PARD3B: variants seen among roughly 807,000 people sequenced by gnomAD.
PARD3B encodes the protein par-3 family cell polarity regulator beta.
Under a neutral mutation model 130.2 loss-of-function variants are expected in PARD3B, and 103 were observed. The ratio of observed to expected loss-of-function variants is 0.79; its 90% confidence interval spans 0.67 to 0.93. PARD3B has a LOEUF of 0.93. Ranked by LOEUF, PARD3B falls within the 40% of genes least tolerant of loss-of-function variation. The pLI is 0.00. For missense variants in PARD3B, 1,609 were observed against 1,499.2 expected (o/e 1.07, Z -1.21); for synonymous variants, 583 against 553.2 (o/e 1.05, Z -0.76).
chr2:205,178,709 C>G (rs1404527659), intron 13 of PARD3B, among the ~76,000 whole-genome samples: 1 of 152,112 alleles, frequency 6.6e-6, no homozygotes, highest in Non-Finnish European at 1.5e-5. Context: ...CCTAGTTACA[C>G]CAGTGACATC....
At chr2:205,005,176 C>T (rs1289353640) in intron 3 of PARD3B, among the ~76,000 whole-genome samples, 1 of 152,012 alleles carries the variant, frequency 6.6e-6, no homozygotes, top group East Asian at 1.9e-4. Flanking sequence ...TATACACACA[C>T]ACACATATAC....
intron 6 of PARD3B, among the ~76,000 whole-genome samples, chr2:205,118,064 G>A (rs915032636): frequency 2.0e-5 from 3 of 152,208 alleles, no homozygotes; most frequent in African/African-American, 7.2e-5. Context: ...CTCTAATTTA[G>A]CCTCTTCTTG....
At chr2:204,790,476 T>A (rs2042162235) in intron 2 of PARD3B, among the ~76,000 whole-genome samples, 1 of 152,226 alleles carries the variant, frequency 6.6e-6, no homozygotes. Flanking sequence ...CAGTTGAAGT[T>A]CAGGGAAGAG....
chr2:205,116,400 T>C lies in PARD3B; in HGVS notation c.681-2521T>C, dbSNP rs1162226430. ...GTAGAGTCACTGAGGCTGTGTGACA[T>C]TGGGAAAAGAACAGGAAGGGGGCAA... is the stretch of plus-strand genomic sequence containing the variant. On this transcript the variant is annotated intron_variant, in intron 6 of 22. Transcript: ENST00000406610. This position sits in a 1 kb window ranked among gnomAD's most constrained non-coding sequence, Gnocchi z 4.5. Among the ~76,000 whole-genome samples, 2 of 152,034 alleles carry C rather than the reference T, an allele frequency of 1.3e-5. No individual in the cohort carries two copies. The highest frequency in any genetic ancestry group is 2.4e-5 in the African/African-American group (1 of 41,380).
At chr2:205,398,187 G>C (rs1479627938) in intron 18 of PARD3B, among the ~76,000 whole-genome samples, 1 of 152,066 alleles carries the variant, frequency 6.6e-6, no homozygotes, top group Non-Finnish European at 1.5e-5. Context: ...TGTAATCTCA[G>C]CTACTTGGGA....
At chr2:205,615,293 TC>T (rs1446405882) in intron 22 of PARD3B, among the ~76,000 whole-genome samples, 162 bp from the exon 23 acceptor site, 6 of 151,958 alleles carry the variant, frequency 3.9e-5, no homozygotes, top group Non-Finnish European at 5.9e-5. Context: ...GGGAAGAAGT[TC>T]CCTTCTCTTC....
chr2:205,277,158 G>A (rs951496929), intron 16 of PARD3B, among the ~76,000 whole-genome samples: 1 of 152,202 alleles, frequency 6.6e-6, no homozygotes, highest in Non-Finnish European at 1.5e-5. Flanking sequence ...TCTGCTGGCC[G>A]TTGATAGAAA....
At chr2:205,147,083 G>T (rs933750032) in intron 10 of PARD3B, among the ~76,000 whole-genome samples, 1 of 152,072 alleles carries the variant, frequency 6.6e-6, no homozygotes, top group African/African-American at 2.4e-5. Context: ...GTCTAATCAG[G>T]TTTCTCTAAT....
At chr2:205,565,431 A>C (rs2053287869) in intron 22 of PARD3B, among the ~76,000 whole-genome samples, 1 of 152,150 alleles carries the variant, frequency 6.6e-6, no homozygotes, top group African/African-American at 2.4e-5. Context: ...AGCTTTGTCC[A>C]ACATCAAAAT....
rs1029436735 is a variant in PARD3B at position 204,975,292 on chromosome 2, G to A, written c.394+9969G>A. The stretch of plus-strand genomic sequence containing the variant: ...ACAGTCTTCATTGACTCACTAGTTT[G>A]GCCAACTTTAATTTTATCTTCTATT... On this transcript the variant is annotated intron_variant, in intron 3 of 22. Transcript: ENST00000406610. 1.5e-4 allele frequency among the ~76,000 whole-genome samples: 23 copies of A among 152,146 alleles called. 1 individual carries two copies. Among genetic ancestry groups the A allele is most frequent in the African/African-American group, 5.5e-4 (23 of 41,494 alleles).
chr2:204,938,829 T>C (rs1688664058), intron 2 of PARD3B, among the ~76,000 whole-genome samples: 1 of 152,126 alleles, frequency 6.6e-6, no homozygotes, highest in African/African-American at 2.4e-5. Context: ...TGCTGACCAG[T>C]GTATACCCGT....
At chr2:204,794,159 A>G (rs149071903) in intron 2 of PARD3B, among the ~76,000 whole-genome samples, 2 of 152,304 alleles carry the variant, frequency 1.3e-5, no homozygotes, top group African/African-American at 4.8e-5. Context: ...GTTCAAAGCA[A>G]CATTGCTTTA....
intron 19 of PARD3B, among the ~76,000 whole-genome samples, chr2:205,420,388 C>T (rs2046927767): frequency 6.6e-6 from 1 of 152,168 alleles, no homozygotes; most frequent in Admixed American, 6.5e-5. Context: ...TTATATCTCT[C>T]ATTTGCAGGT....
chr2:204,706,374 A>AAAAAAAG (rs2038159369), intron 2 of PARD3B, among the ~76,000 whole-genome samples: 2 of 149,454 alleles, frequency 1.3e-5, no homozygotes, highest in African/African-American at 5.1e-5. Context: ...CTCAAAAAAA[A>AAAAAAAG]AAAAAGAAAA....
At chr2:205,520,854 A>T (rs922129024) in intron 21 of PARD3B, among the ~76,000 whole-genome samples, 2 of 152,010 alleles carry the variant, frequency 1.3e-5, no homozygotes, top group Non-Finnish European at 2.9e-5. Context: ...ATTTTCTAGA[A>T]AGGATATTAA....
chr2:204,741,964 T>A (rs2040027316), intron 2 of PARD3B, among the ~76,000 whole-genome samples: 1 of 152,172 alleles, frequency 6.6e-6, no homozygotes, highest in Non-Finnish European at 1.5e-5. Context: ...GGGCCAATAG[T>A]ATCAGTATTA....
chr2:204,598,753 CAT>C (rs904638770), intron 1 of PARD3B, among the ~76,000 whole-genome samples: 4 of 151,954 alleles, frequency 2.6e-5, no homozygotes, highest in African/African-American at 9.7e-5. Flanking sequence ...AGTAAACATT[CAT>C]TCTCCCTGTT....
intron 5 of PARD3B, 93 bp from the exon 6 acceptor site, chr2:205,113,398 G>A (rs1206477948): frequency 1.3e-5 from 6 of 461,486 alleles, no homozygotes; most frequent in African/African-American, 2.5e-5. Flanking sequence ...GCAGGGGTGT[G>A]TGTGTGTGTG....
rs1691366430 is a variant in PARD3B, at chr2:204,967,649, T to A, written c.394+2326T>A. Among the ~76,000 whole-genome samples, 1 of 152,240 alleles carries A rather than the reference T, an allele frequency of 6.6e-6. No individual in the cohort carries two copies. The highest frequency in any genetic ancestry group is 2.4e-5 in the African/African-American group (1 of 41,468). ...TCTAGCAGTTTGAGTACTTTGCATT[T>A]CTGGAACTTAAAAAGCAAAGAAAAA... On this transcript the variant is annotated intron_variant, in intron 3 of 22. Coordinates refer to ENST00000406610, the MANE Select transcript of PARD3B (RefSeq NM_001302769.2). The surrounding 1 kb of genome is among the most constrained non-coding windows in gnomAD (Gnocchi z 4.4).
Sources: allele counts gnomAD v4.1 joint callset (sites outside exome capture counted in the v4.1 genomes callset), GRCh38; gene constraint gnomAD v4.1.1; non-coding constraint Gnocchi (gnomAD v3.1); transcripts MANE v1.5; gene names NCBI Gene and HGNC (gene_info 2026-07-23, HGNC 2026-07-21).